The following SGCZ variants were observed in gnomAD, a reference collection of about 807,000 sequenced individuals.
The protein encoded by SGCZ is zeta-sarcoglycan.
SGCZ carries 40 observed loss-of-function variants against 41.3 expected under a neutral mutation model. The ratio of observed to expected loss-of-function variants is 0.97; its 90% CI spans 0.75 to 1.26. The LOEUF is 1.26. Ranked by LOEUF, SGCZ falls within the 50% of genes most tolerant of loss-of-function variation. SGCZ has a pLI of 0.00. For synonymous variants in SGCZ, 206 were observed against 137.5 expected (o/e 1.50, Z -3.49); for missense variants, 552 against 369.8 (o/e 1.49, Z -4.04).
intron 6 of SGCZ, among the ~76,000 whole-genome samples, chr8:14,102,842 T>TAATAACTTACC (rs1017745345): frequency 1.1e-4 from 17 of 152,200 alleles, no homozygotes; most frequent in Non-Finnish European, 2.2e-4. Context: ...CTAAAATTTT[T>TAATAACTTACC]AATAACTTAC....
At chr8:14,540,142 G>A (rs1224795545) in intron 2 of SGCZ, among the ~76,000 whole-genome samples, 3 of 150,748 alleles carry the variant, frequency 2.0e-5, no homozygotes, top group Admixed American at 2.0e-4. Flanking sequence ...CTATGACTCT[G>A]CAGTGCACAA....
chr8:15,089,321 T>C (rs1304270614), intron 1 of SGCZ, among the ~76,000 whole-genome samples: 1 of 152,178 alleles, frequency 6.6e-6, no homozygotes, highest in African/African-American at 2.4e-5. Flanking sequence ...CATGTTCAAA[T>C]GAGTGTAATG....
At chr8:14,783,382 T>G (rs1309625357) in intron 1 of SGCZ, among the ~76,000 whole-genome samples, 3 of 149,618 alleles carry the variant, frequency 2.0e-5, no homozygotes, top group Non-Finnish European at 4.4e-5. Context: ...TGCAGTGAGC[T>G]GAGATAGCAC....
At chr8:14,753,378 C>G (rs958640736) in intron 1 of SGCZ, among the ~76,000 whole-genome samples, 1 of 152,136 alleles carries the variant, frequency 6.6e-6, no homozygotes, top group Non-Finnish European at 1.5e-5. Context: ...AATATCTCAT[C>G]TTCGGCCAGG....
intron 1 of SGCZ, among the ~76,000 whole-genome samples, chr8:14,843,987 G>C (rs992373418): frequency 6.6e-6 from 1 of 151,146 alleles, no homozygotes; most frequent in South Asian, 2.1e-4. Flanking sequence ...TATGTTTTGT[G>C]TTCCAGGAAA....
chr8:14,424,444 A>C (rs985586171), intron 2 of SGCZ, among the ~76,000 whole-genome samples: 1 of 152,248 alleles, frequency 6.6e-6, no homozygotes. Context: ...TCCTATCAAA[A>C]GAAGTGGATC....
intron 2 of SGCZ, among the ~76,000 whole-genome samples, chr8:14,537,558 TTC>T (rs1803332972): frequency 7.7e-6 from 1 of 130,634 alleles, no homozygotes; most frequent in African/African-American, 2.5e-5. Flanking sequence ...TTTCTTTCTT[TTC>T]TTTTTTTTTC....
chr8:14,347,522 T>C (rs918147749), intron 2 of SGCZ, among the ~76,000 whole-genome samples: 7 of 151,834 alleles, frequency 4.6e-5, no homozygotes, highest in Admixed American at 6.6e-5. Context: ...TTTTATGTTT[T>C]GTCATAAAAT....
At chr8:15,160,225 CT>C in intron 1 of SGCZ, among the ~76,000 whole-genome samples, 1 of 152,218 alleles carries the variant, frequency 6.6e-6, no homozygotes, top group Admixed American at 6.5e-5. Context: ...CATTATTTGT[CT>C]TTTTGTGGCA....
intron 1 of SGCZ, among the ~76,000 whole-genome samples, chr8:14,821,950 A>G (rs12543926): frequency 1 from 151,551 of 152,210 alleles, 75,454 homozygotes; most frequent in Middle Eastern, 1. Context: ...CATAGTACTA[A>G]AAATCCTAGC....
At chr8:14,732,401 A>T (rs1798889730) in intron 1 of SGCZ, among the ~76,000 whole-genome samples, 1 of 152,194 alleles carries the variant, frequency 6.6e-6, no homozygotes, top group African/African-American at 2.4e-5. Context: ...ACAGAAGCTA[A>T]GAAAGAAAAT....
intron 1 of SGCZ, among the ~76,000 whole-genome samples, chr8:14,882,960 A>C (rs1585346648): frequency 6.6e-6 from 1 of 152,132 alleles, no homozygotes; most frequent in Non-Finnish European, 1.5e-5. Flanking sequence ...ATTTTTTAAT[A>C]TTTCTAATTT....
At chr8:14,665,368 T>A (rs6988773) in intron 1 of SGCZ, among the ~76,000 whole-genome samples, 36,662 of 152,114 alleles carry the variant, frequency 0.24, 4,894 homozygotes, top group East Asian at 0.48. Flanking sequence ...CTGCATAGTA[T>A]TCCATGGTGT....
At chr8:14,566,116 A>T (rs962480095) in intron 1 of SGCZ, among the ~76,000 whole-genome samples, 2 of 152,232 alleles carry the variant, frequency 1.3e-5, no homozygotes, top group African/African-American at 4.8e-5. Context: ...ATGAAACAGA[A>T]GATCTTGCAG....
intron 4 of SGCZ, among the ~76,000 whole-genome samples, chr8:14,202,125 T>C (rs1288122845): frequency 1.3e-5 from 2 of 152,158 alleles, no homozygotes; most frequent in Non-Finnish European, 1.5e-5. Context: ...ATAATCCCAA[T>C]GTCATTACAG....
chr8:14,851,769 G>C (rs750820992), intron 1 of SGCZ, among the ~76,000 whole-genome samples: 3 of 151,910 alleles, frequency 2.0e-5, no homozygotes, highest in Non-Finnish European at 4.4e-5. Context: ...GGAGATGTTT[G>C]GACTTCAGAG....
intron 2 of SGCZ, among the ~76,000 whole-genome samples, chr8:14,326,130 A>AAAAAAAAAAAAAAAAAAT (rs1802103306): frequency 6.7e-6 from 1 of 148,488 alleles, no homozygotes; most frequent in Non-Finnish European, 1.5e-5. Context: ...AAAAAAAAAA[A>AAAAAAAAAAAAAAAAAAT]GATGAGGACG....
At chr8:14,306,890 G>C (rs992267347) in intron 3 of SGCZ, among the ~76,000 whole-genome samples, 1 of 152,170 alleles carries the variant, frequency 6.6e-6, no homozygotes, top group African/African-American at 2.4e-5. Flanking sequence ...ACAAGTACTA[G>C]AGGATAAAAA....
intron 5 of SGCZ, among the ~76,000 whole-genome samples, chr8:14,148,314 A>G (rs1454554859): frequency 1.3e-5 from 2 of 152,048 alleles, no homozygotes; most frequent in Non-Finnish European, 2.9e-5. Flanking sequence ...CCAAACTAAG[A>G]AAAAAAGATA....
Sources: gnomAD v4.1 joint callset for allele counts (sites outside exome capture counted in the v4.1 genomes callset) on GRCh38, gnomAD v4.1.1 for gene constraint, MANE v1.5 for transcripts, NCBI Gene and HGNC (gene_info 2026-07-23, HGNC 2026-07-21) for gene names.